The following CALN1 variants were observed in gnomAD, a reference collection of about 807,000 sequenced individuals.
CALN1 encodes calneuron 1.
CALN1 carries 17 observed loss-of-function variants against 30.6 expected under a neutral mutation model. The ratio of observed to expected loss-of-function variants is 0.56; its 90% confidence interval spans 0.38 to 0.83. The LOEUF (loss-of-function observed/expected upper bound fraction) is 0.83. Among genes scored for constraint, CALN1 ranks in the 40% least tolerant of loss-of-function variants. The probability of loss-of-function intolerance (pLI) is 0.00; values close to 1 mark genes in which losing one functional copy is unlikely to be tolerated. For synonymous variants in CALN1, 156 were observed against 131.4 expected, an observed-to-expected ratio of 1.19 and a Z score of -1.28; for missense variants, 291 against 354.9, an observed-to-expected ratio of 0.82 and a Z score of 1.45.
intron 3 of CALN1, among the ~76,000 whole-genome samples, chr7:72,151,705 G>A (rs929637118): frequency 1.3e-5 from 2 of 151,806 alleles, no homozygotes; most frequent in Non-Finnish European, 2.9e-5. Context: ...AGCAGATATC[G>A]TTTTTGTTGT....
chr7:72,258,723 G>C (rs944005592), intron 3 of CALN1, among the ~76,000 whole-genome samples: 3 of 152,010 alleles, frequency 2.0e-5, no homozygotes, highest in Admixed American at 1.3e-4. Context: ...TTCAAGACCA[G>C]CCTGGCCAAC....
chr7:71,911,073 T>C (rs1389069324), intron 5 of CALN1, among the ~76,000 whole-genome samples: 2 of 152,114 alleles, frequency 1.3e-5, no homozygotes, highest in Non-Finnish European at 2.9e-5. Context: ...CCCAAATTCA[T>C]CAGTAAAATC....
chr7:72,135,104 C>T (rs1326589489), intron 3 of CALN1, among the ~76,000 whole-genome samples: 3 of 152,144 alleles, frequency 2.0e-5, no homozygotes, highest in Non-Finnish European at 4.4e-5. Context: ...CTTTTAACTC[C>T]CCTTCTCTTG....
intron 3 of CALN1, among the ~76,000 whole-genome samples, chr7:72,175,320 G>A (rs1034852900): frequency 8.5e-5 from 13 of 152,076 alleles, no homozygotes; most frequent in South Asian, 2.1e-4. Context: ...TGATCTGCCC[G>A]CCTCGGCCTC....
rs1028176418 is a variant in CALN1 at position 71,785,073 on chromosome 7, T to G, written c.*2702A>C. On this transcript the variant is annotated 3_prime_UTR_variant, in exon 7 of 7. Coordinates refer to ENST00000395275, the MANE Select transcript of CALN1 (RefSeq NM_031468.4). ...GGAATGCCGCTAGCTCAGGGCCGTCTCCACGCACTGTGTCCTTCAGTCCCT... is the reference window on the plus strand; with the variant it reads ...GGAATGCCGCTAGCTCAGGGCCGTCGCCACGCACTGTGTCCTTCAGTCCCT... 7.7e-6 allele frequency: 3 copies of G among 391,766 alleles called. No homozygotes were observed. Among genetic ancestry groups the G allele is most frequent in the Non-Finnish European group, 1.3e-5 (3 of 222,448 alleles). The allele number at this position is 391,766 out of a possible 1,614,324, so 24.3% of individuals were successfully genotyped here.
At chr7:72,232,195 G>A (rs189019270) in intron 3 of CALN1, among the ~76,000 whole-genome samples, 19 of 152,256 alleles carry the variant, frequency 1.2e-4, no homozygotes, top group South Asian at 6.2e-4. Context: ...CATCAGCTCC[G>A]GCAAGGGGTT....
At chr7:72,128,011 A>G (rs550067880) in intron 3 of CALN1, among the ~76,000 whole-genome samples, 1 of 152,310 alleles carries the variant, frequency 6.6e-6, no homozygotes, top group Admixed American at 6.5e-5. Flanking sequence ...AATGAAATAC[A>G]ATCAGCAAAA....
At chr7:71,887,539 T>A (rs1792986368) in intron 5 of CALN1, among the ~76,000 whole-genome samples, 1 of 152,148 alleles carries the variant, frequency 6.6e-6, no homozygotes, top group Non-Finnish European at 1.5e-5. Flanking sequence ...CTTCAGGTGA[T>A]CCACCCGCCT....
intron 2 of CALN1, among the ~76,000 whole-genome samples, chr7:72,316,145 T>TA (rs981972451): frequency 9.2e-5 from 10 of 108,946 alleles, no homozygotes; most frequent in African/African-American, 2.8e-4. Flanking sequence ...ATTATGTCTT[T>TA]AAAAAAAAAG....
chr7:72,315,329 A>G (rs776521947), intron 2 of CALN1, among the ~76,000 whole-genome samples: 3 of 152,188 alleles, frequency 2.0e-5, no homozygotes, highest in South Asian at 2.1e-4. Context: ...ATAAAACATC[A>G]ATGTGCAATT....
At chr7:72,054,440 T>TATACATATATACACAC (rs1563015400) in intron 4 of CALN1, among the ~76,000 whole-genome samples, 1 of 77,828 alleles carries the variant, frequency 1.3e-5, no homozygotes, top group Non-Finnish European at 3.1e-5. Flanking sequence ...CACGTATATA[T>TATACATATATACACAC]ATATATACAT....
At chr7:71,806,245 C>A (rs566618672) in intron 6 of CALN1, among the ~76,000 whole-genome samples, 1 of 149,732 alleles carries the variant, frequency 6.7e-6, no homozygotes, top group Non-Finnish European at 1.5e-5. Context: ...CACATGTGCA[C>A]GCATGCACAC....
intron 3 of CALN1, among the ~76,000 whole-genome samples, chr7:72,151,685 G>A (rs1215144456): frequency 1.3e-5 from 2 of 151,996 alleles, no homozygotes; most frequent in Non-Finnish European, 2.9e-5. Context: ...TTCCACCCAT[G>A]TGCCTGCCCA....
intron 3 of CALN1, among the ~76,000 whole-genome samples, chr7:72,119,944 T>A (rs568967318): frequency 6.6e-6 from 1 of 152,238 alleles, no homozygotes; most frequent in South Asian, 2.1e-4. Context: ...TTACATGTAG[T>A]TTTTTAAAAG....
At chr7:72,217,113 G>A (rs975118306) in intron 3 of CALN1, among the ~76,000 whole-genome samples, 9 of 152,168 alleles carry the variant, frequency 5.9e-5, no homozygotes, top group Non-Finnish European at 8.8e-5. Context: ...AAAGGATTAA[G>A]AAAAGTACCT....
At chr7:72,117,327 G>C (rs1175389080) in intron 3 of CALN1, among the ~76,000 whole-genome samples, 1 of 152,152 alleles carries the variant, frequency 6.6e-6, no homozygotes, top group Non-Finnish European at 1.5e-5. Context: ...TAAGGGGACT[G>C]TCGAAGCCGA....
At chr7:72,491,389 C>A in the CALN1 span, among the ~76,000 whole-genome samples, 2 of 152,016 alleles carry the variant, frequency 1.3e-5, no homozygotes, top group Non-Finnish European at 2.9e-5. Flanking sequence ...GGCAACAGAG[C>A]AAGATCCTAT....
chr7:72,060,190 C>T (rs963240451), intron 4 of CALN1, among the ~76,000 whole-genome samples: 1 of 152,170 alleles, frequency 6.6e-6, no homozygotes, highest in African/African-American at 2.4e-5. Flanking sequence ...ACCATTTCTT[C>T]ATGCCTCAAC....
intron 5 of CALN1, among the ~76,000 whole-genome samples, chr7:72,015,946 G>A (rs1192161909): frequency 6.6e-6 from 1 of 152,048 alleles, no homozygotes; most frequent in African/African-American, 2.4e-5. Flanking sequence ...GGTTCCATTA[G>A]ATGATTAAGA....
Sources: allele counts gnomAD v4.1 joint callset (sites outside exome capture counted in the v4.1 genomes callset), GRCh38; gene constraint gnomAD v4.1.1; transcripts MANE v1.5; gene names NCBI Gene and HGNC (gene_info 2026-07-23, HGNC 2026-07-21).